Variants in MYO1E observed in about 807,000 individuals in gnomAD.
MYO1E encodes the protein myosin IE, also known as unconventional myosin-Ie.
In MYO1E, 68 loss-of-function variants were observed where a neutral mutation model predicts 151.1. The ratio of observed to expected loss-of-function variants is 0.45; its 90% confidence interval spans 0.37 to 0.55. The LOEUF is 0.55. MYO1E is among the 20% of genes least tolerant of loss of function. The pLI, the probability that MYO1E is intolerant of heterozygous loss-of-function variation, is 0.00. For missense variants in MYO1E, 1,363 were observed against 1,389.3 expected (o/e 0.98, Z 0.30); for synonymous variants, 601 against 501.7 (o/e 1.20, Z -2.64).
intron 18 of MYO1E, among the ~76,000 whole-genome samples, chr15:59,185,809 C>A (rs1192115089): frequency 6.6e-6 from 1 of 152,192 alleles, no homozygotes; most frequent in African/African-American, 2.4e-5. Flanking sequence ...TGCCTGGATA[C>A]GCTTTTGGAT....
At chr15:59,242,329 C>G (rs1043342587) in intron 4 of MYO1E, among the ~76,000 whole-genome samples, 8 of 152,268 alleles carry the variant, frequency 5.3e-5, no homozygotes, top group African/African-American at 1.9e-4. Context: ...GAACATATAA[C>G]TGTGCCAAAA....
chr15:59,315,549 TA>T (rs201744878), intron 1 of MYO1E, among the ~76,000 whole-genome samples: 6,267 of 128,652 alleles, frequency 0.049, 147 homozygotes, highest in African/African-American at 0.081. Flanking sequence ...AACTAAAAAT[TA>T]AAAAAAAAAA....
At chr15:59,245,617 C>A (rs1425289025) in intron 4 of MYO1E, among the ~76,000 whole-genome samples, 1 of 152,138 alleles carries the variant, frequency 6.6e-6, no homozygotes, top group African/African-American at 2.4e-5. Flanking sequence ...CAGGATACTT[C>A]AAATAAAAAA....
At chr15:59,206,137 T>C (rs529128347) in intron 14 of MYO1E, among the ~76,000 whole-genome samples, 1 of 152,160 alleles carries the variant, frequency 6.6e-6, no homozygotes, top group African/African-American at 2.4e-5. Context: ...AGGCACCCAA[T>C]ACTGATGGGC....
At chr15:59,264,110 C>CA (rs2080239837) in intron 2 of MYO1E, among the ~76,000 whole-genome samples, 1 of 152,162 alleles carries the variant, frequency 6.6e-6, no homozygotes, top group Admixed American at 6.5e-5. Context: ...GTTTGCATTA[C>CA]ACTCACCACC....
chr15:59,288,263 C>T (rs1262896085), intron 1 of MYO1E, among the ~76,000 whole-genome samples: 1 of 152,166 alleles, frequency 6.6e-6, no homozygotes, highest in Non-Finnish European at 1.5e-5. Context: ...GCAGCCTGGG[C>T]CTCCTGGGCT....
intron 1 of MYO1E, among the ~76,000 whole-genome samples, chr15:59,292,342 T>C (rs2080424526): frequency 6.6e-6 from 1 of 152,240 alleles, no homozygotes. Context: ...TACAGCATCT[T>C]CTGGCTGTGA....
chr15:59,355,894 T>C (rs1389990870), intron 1 of MYO1E, among the ~76,000 whole-genome samples: 1 of 152,122 alleles, frequency 6.6e-6, no homozygotes. Context: ...TTTCGTTTAT[T>C]TTTTTGTAGA....
In MYO1E at chr15:59,225,266, C is replaced by T. The variant is rs1450927699; in HGVS notation, c.643-443G>A. 2.6e-5 allele frequency among the ~76,000 whole-genome samples: 4 copies of T among 152,212 alleles called. No individual in the cohort carries two copies. In the South Asian group the frequency reaches 6.2e-4, roughly 24 times the overall value. On this transcript the variant is annotated intron_variant, in intron 7 of 27. Coordinates refer to ENST00000288235, the MANE Select transcript of MYO1E (RefSeq NM_004998.4). The stretch of plus-strand genomic sequence containing the variant: ...CTTGACTGTGAACTTCTCCAAGCTG[C>T]AGGATCTACTTCCTTGCCATGACAT...
chr15:59,158,038 A>G (rs2079518483), intron 25 of MYO1E, among the ~76,000 whole-genome samples: 1 of 152,236 alleles, frequency 6.6e-6, no homozygotes, highest in African/African-American at 2.4e-5. Flanking sequence ...AGCCTTTCCT[A>G]AGGGAGTAAT....
At position 59,350,671 on chromosome 15, in the gene MYO1E, A is replaced by G. The variant is rs1439856072; in HGVS notation, c.3+21827T>C. ...GGTGAATTCTGAAAAATATAAAGAA[A>G]TGTAAATTATCTCTGATCTCAAGAG... On this transcript the variant is annotated intron_variant, in intron 1 of 27. Transcript: ENST00000288235. This position sits in a 1 kb window ranked among gnomAD's most constrained non-coding sequence, Gnocchi z 5.0. 1.3e-5 allele frequency among the ~76,000 whole-genome samples: 2 copies of G among 152,188 alleles called. No individual in the cohort carries two copies. The highest frequency in any genetic ancestry group is 2.9e-5 in the Non-Finnish European group (2 of 68,016).
chr15:59,225,115 T>C (rs2079981542), intron 7 of MYO1E, among the ~76,000 whole-genome samples: 1 of 152,222 alleles, frequency 6.6e-6, no homozygotes, highest in African/African-American at 2.4e-5. Flanking sequence ...ATTACTTAGT[T>C]CCTGCCCAAC....
chr15:59,319,612 C>T lies in MYO1E; in HGVS notation c.4-47163G>A, dbSNP rs145652387. Among the ~76,000 whole-genome samples the T allele has an allele frequency of 4.2e-5, 5 of 117,718 alleles. No individual in the cohort carries two copies. In the East Asian group the frequency reaches 1.4e-3, roughly 33 times the overall value. The allele number at this position is 117,718 out of a possible 152,430, so 77.2% of individuals were successfully genotyped here. On this transcript the variant is annotated intron_variant, in intron 1 of 27. Transcript: ENST00000288235. ...ATGTTATGATTCTGCACCTAAAAAACCCCAGAGACAGCCAGGCACGGGGGT... is the reference window on the plus strand; with the variant it reads ...ATGTTATGATTCTGCACCTAAAAAATCCCAGAGACAGCCAGGCACGGGGGT...
In MYO1E at chr15:59,139,425, C is replaced by T. The variant is rs546765811; in HGVS notation, c.3081-1058G>A. Among the ~76,000 whole-genome samples, 5 of 148,256 alleles carry T rather than the reference C, an allele frequency of 3.4e-5. No homozygotes were observed. The Admixed American group carries it at 3.8e-4, about 11-fold the overall frequency. On this transcript the variant is annotated intron_variant, in intron 26 of 27. Transcript: ENST00000288235. ...TCCCTCATTATTACTCCTCACACTT[C>T]CCTCCCACCCCTTCATTATTACTCC...
chr15:59,253,003 A>G (rs1374470349), intron 4 of MYO1E, among the ~76,000 whole-genome samples: 2 of 152,238 alleles, frequency 1.3e-5, no homozygotes, highest in African/African-American at 4.8e-5. Context: ...AAACCAACAG[A>G]GCCTACTGCG....
At chr15:59,315,938 TACTC>T (rs767773618) in intron 1 of MYO1E, among the ~76,000 whole-genome samples, 12 of 152,184 alleles carry the variant, frequency 7.9e-5, no homozygotes, top group Non-Finnish European at 1.6e-4. Context: ...TCCATCAGCT[TACTC>T]AGACACGTTT....
intron 2 of MYO1E, among the ~76,000 whole-genome samples, chr15:59,268,720 A>ATTTTTTTTTGTATTTTTTT (rs2080271584): frequency 2.2e-5 from 1 of 44,906 alleles, no homozygotes; most frequent in Non-Finnish European, 4.9e-5. Flanking sequence ...TGACTTTGGT[A>ATTTTTTTTTGTATTTTTTT]TTTTTTTTTT....
intron 1 of MYO1E, among the ~76,000 whole-genome samples, chr15:59,287,952 G>C (rs752907572): frequency 1.3e-5 from 2 of 152,200 alleles, no homozygotes; most frequent in Non-Finnish European, 2.9e-5. Context: ...GTAGATGATA[G>C]TCATACAAAT....
intron 24 of MYO1E, 75 bp from the exon 25 acceptor site, chr15:59,158,454 G>A: frequency 8.5e-7 from 1 of 1,177,196 alleles, no homozygotes; most frequent in Non-Finnish European, 1.2e-6. Flanking sequence ...TTTGCATATG[G>A]AAAATTTTTG....
Sources: allele counts gnomAD v4.1 joint callset (sites outside exome capture counted in the v4.1 genomes callset), GRCh38; gene constraint gnomAD v4.1.1; non-coding constraint Gnocchi (gnomAD v3.1); transcripts MANE v1.5; gene names NCBI Gene and HGNC (gene_info 2026-07-23, HGNC 2026-07-21).